Variants in CSMD2 observed in about 807,000 individuals in gnomAD.
CSMD2 encodes CUB and sushi domain-containing protein 2.
In CSMD2, 130 loss-of-function variants were observed where a neutral mutation model predicts 398.5. The ratio of observed to expected loss-of-function variants is 0.33; its 90% confidence interval spans 0.28 to 0.38. The LOEUF is 0.38. CSMD2 is among the 10% of genes least tolerant of loss of function. The probability of loss-of-function intolerance (pLI) is 1.00; values close to 1 mark genes in which losing one functional copy is unlikely to be tolerated. For missense variants in CSMD2, 3,829 were observed against 4,764.9 expected, an observed-to-expected ratio of 0.80 and a Z score of 5.78; for synonymous variants, 1,828 against 1,908.5, an observed-to-expected ratio of 0.96 and a Z score of 1.10.
intron 12 of CSMD2, 100 bp downstream of exon 12, chr1:33,788,500 T>A (rs1424930330): frequency 6.3e-6 from 4 of 633,210 alleles, no homozygotes; most frequent in Non-Finnish European, 1.1e-5. Context: ...AGAGTGAGAC[T>A]CCGTCTCAAA....
chr1:33,677,413 A>G (rs1644754556), intron 25 of CSMD2, among the ~76,000 whole-genome samples: 1 of 152,242 alleles, frequency 6.6e-6, no homozygotes, highest in Non-Finnish European at 1.5e-5. Flanking sequence ...ACAATGAGAT[A>G]CCATCTCACA....
At chr1:33,597,983 A>T (rs1639950483) in intron 44 of CSMD2, among the ~76,000 whole-genome samples, 1 of 152,276 alleles carries the variant, frequency 6.6e-6, no homozygotes, top group Non-Finnish European at 1.5e-5. Flanking sequence ...GAACATTTAT[A>T]GAATGATTGT....
intron 25 of CSMD2, among the ~76,000 whole-genome samples, chr1:33,687,991 T>C (rs917276506): frequency 1.3e-5 from 2 of 152,178 alleles, no homozygotes; most frequent in African/African-American, 2.4e-5. Context: ...CTGCGTGGGG[T>C]AGCAGGCCTT....
rs1295005229 is a variant in CSMD2 at position 33,635,634 on chromosome 1, T to A, written c.4970-304A>T. On this transcript the variant is annotated intron_variant, in intron 30 of 70. Coordinates refer to ENST00000373381, the MANE Select transcript of CSMD2 (RefSeq NM_001281956.2). This position sits in a 1 kb window ranked among gnomAD's most constrained non-coding sequence, Gnocchi z 5.0. ...TGAAGTCACAGCCTTAGGGAGCACA[T>A]TAGGAACCTCTTCTGCTTACACGTG... 6.6e-6 allele frequency among the ~76,000 whole-genome samples: 1 copy of A among 152,182 alleles called. No homozygotes were observed. Among genetic ancestry groups the A allele is most frequent in the African/African-American group, 2.4e-5 (1 of 41,440 alleles).
intron 5 of CSMD2, among the ~76,000 whole-genome samples, chr1:33,892,543 C>T (rs1272821779): frequency 6.6e-6 from 1 of 152,162 alleles, no homozygotes; most frequent in Non-Finnish European, 1.5e-5. Context: ...CATAGCTTAG[C>T]TCCCACTTAT....
At chr1:34,089,325 T>C in intron 1 of CSMD2, 132 bp from the exon 2 acceptor site, 2 of 818,280 alleles carry the variant, frequency 2.4e-6, no homozygotes, top group Non-Finnish European at 2.0e-6. Context: ...GCCCTGTACT[T>C]GGCACCGAGG....
chr1:34,006,887 G>A (rs1399544698), intron 3 of CSMD2, among the ~76,000 whole-genome samples: 1 of 152,010 alleles, frequency 6.6e-6, no homozygotes, highest in Non-Finnish European at 1.5e-5. Flanking sequence ...AGGAAGGTGA[G>A]TGTCCCCCAG....
intron 10 of CSMD2, among the ~76,000 whole-genome samples, chr1:33,796,350 G>A (rs780164676): frequency 6.6e-6 from 1 of 152,192 alleles, no homozygotes; most frequent in African/African-American, 2.4e-5. Context: ...TGTGGCAGAG[G>A]AGCATAAATT....
intron 27 of CSMD2, among the ~76,000 whole-genome samples, chr1:33,655,043 G>A (rs1290830800): frequency 6.6e-6 from 1 of 152,228 alleles, no homozygotes; most frequent in Admixed American, 6.5e-5. Flanking sequence ...TGGATCCCTG[G>A]GCTGCCTCGC....
chr1:33,767,592 T>C (rs1650674965), intron 13 of CSMD2, among the ~76,000 whole-genome samples: 1 of 152,150 alleles, frequency 6.6e-6, no homozygotes, highest in African/African-American at 2.4e-5. Flanking sequence ...ACTTTGTACA[T>C]AGCAGGTACT....
chr1:34,020,442 G>A (rs576876848), intron 3 of CSMD2, among the ~76,000 whole-genome samples: 60 of 152,274 alleles, frequency 3.9e-4, no homozygotes, highest in Non-Finnish European at 6.6e-4. Context: ...TCCATGAGAC[G>A]GGTCTCAGGC....
chr1:33,903,874 T>A (rs796667890), intron 5 of CSMD2, among the ~76,000 whole-genome samples: 1 of 152,190 alleles, frequency 6.6e-6, no homozygotes, highest in Admixed American at 6.5e-5. Flanking sequence ...CAGTGGTTTT[T>A]GTTTTTTGTT....
At chr1:34,078,782 T>C (rs978637386) in intron 2 of CSMD2, among the ~76,000 whole-genome samples, 4 of 152,194 alleles carry the variant, frequency 2.6e-5, no homozygotes, top group African/African-American at 9.7e-5. Flanking sequence ...GCAAATATCC[T>C]GGTAGGCCCC....
At position 33,624,365 on chromosome 1, in the gene CSMD2, T is replaced by A. The variant is rs1429885584; in HGVS notation, c.5625+154A>T. Among the ~76,000 whole-genome samples the A allele has an allele frequency of 6.6e-6, 1 of 152,154 alleles. No homozygotes were observed. The highest frequency in any genetic ancestry group is 1.5e-5 in the Non-Finnish European group (1 of 68,014). On this transcript the variant is annotated intron_variant, in intron 35 of 70. Coordinates refer to ENST00000373381, the MANE Select transcript of CSMD2 (RefSeq NM_001281956.2). The surrounding 1 kb of genome is among the most constrained non-coding windows in gnomAD (Gnocchi z 4.7). ...ATCTCCACACTTGGACTGAGCCTCC[T>A]TAGCCGCAGGGGCAGGTACAGGGCT...
intron 24 of CSMD2, among the ~76,000 whole-genome samples, chr1:33,697,629 C>T (rs1645465084): frequency 6.6e-6 from 1 of 152,214 alleles, no homozygotes; most frequent in South Asian, 2.1e-4. Flanking sequence ...CTTCCTCTCC[C>T]TCCTGTTGGT....
chr1:33,729,404 T>G (rs1337334840), intron 15 of CSMD2, among the ~76,000 whole-genome samples: 2 of 152,096 alleles, frequency 1.3e-5, no homozygotes, highest in Non-Finnish European at 2.9e-5. Flanking sequence ...TTGTTCATCT[T>G]CATATTGCAG....
At chr1:33,878,293 T>G (rs751855376) in intron 5 of CSMD2, 1 of 152,246 alleles carries the variant, frequency 6.6e-6, no homozygotes, top group Non-Finnish European at 1.5e-5. Context: ...ATGGGCTAGA[T>G]GTACATGAGA....
At chr1:33,837,579 G>A (rs528753403) in intron 6 of CSMD2, among the ~76,000 whole-genome samples, 1 of 152,154 alleles carries the variant, frequency 6.6e-6, no homozygotes, top group Non-Finnish European at 1.5e-5. Flanking sequence ...GCTGCTTCTC[G>A]TACTGTGCCC....
intron 28 of CSMD2, among the ~76,000 whole-genome samples, chr1:33,648,223 G>A (rs748630771): frequency 6.6e-6 from 1 of 152,068 alleles, no homozygotes; most frequent in African/African-American, 2.4e-5. Context: ...TTAGCCAGGC[G>A]TGGTGGTGGG....
Sources: gnomAD v4.1 joint callset for allele counts (sites outside exome capture counted in the v4.1 genomes callset) on GRCh38, gnomAD v4.1.1 for gene constraint, Gnocchi (gnomAD v3.1) non-coding constraint, MANE v1.5 for transcripts, NCBI Gene and HGNC (gene_info 2026-07-23, HGNC 2026-07-21) for gene names.